The following LRP12 variants were observed in gnomAD, a reference collection of about 807,000 sequenced individuals.
The protein encoded by LRP12 is low-density lipoprotein receptor-related protein 12.
In LRP12, 14 loss-of-function variants were observed where a neutral mutation model predicts 66.0. The ratio of observed to expected loss-of-function variants is 0.21; its 90% CI spans 0.14 to 0.33. The LOEUF (loss-of-function observed/expected upper bound fraction) is 0.33. LRP12 is among the 10% of genes least tolerant of loss of function. LRP12 has a pLI of 1.00. For synonymous variants in LRP12, 357 were observed against 359.1 expected (o/e 0.99, Z 0.07); for missense variants, 889 against 1,053.4 (o/e 0.84, Z 2.16).
chr8:104,533,094 T>C (rs1473585788), intron 1 of LRP12, among the ~76,000 whole-genome samples: 4 of 152,104 alleles, frequency 2.6e-5, no homozygotes, highest in African/African-American at 7.2e-5. Flanking sequence ...AATGAAAACA[T>C]ACATTATATT....
Position 104,589,030 on chromosome 8 carries a change from G to C in LRP12, c.-133C>G, listed in dbSNP as rs1194220925. The C allele has an allele frequency of 6.0e-6, 3 of 502,620 alleles. No homozygotes were observed. Among genetic ancestry groups the C allele is most frequent in the Non-Finnish European group, 9.5e-6 (3 of 317,176 alleles). The allele number at this position is 502,620 out of a possible 1,614,324, so 31.1% of individuals were successfully genotyped here. On this transcript the variant is annotated 5_prime_UTR_variant, in exon 1 of 7. Transcript: ENST00000276654. ...CCGGCTGCTCCCTGCGCTCTCCGCG[G>C]CTGCGGGAGGGGGAAGGGAGGGGCC...
chr8:104,534,553 CAT>C (rs1477617874), intron 1 of LRP12, among the ~76,000 whole-genome samples: 3 of 151,950 alleles, frequency 2.0e-5, no homozygotes, highest in Non-Finnish European at 2.9e-5. Flanking sequence ...CTAATTATAA[CAT>C]ATTAAAATTT....
At chr8:104,569,908 T>C (rs1032259983) in intron 1 of LRP12, among the ~76,000 whole-genome samples, 2 of 149,574 alleles carry the variant, frequency 1.3e-5, no homozygotes, top group Admixed American at 1.3e-4. Flanking sequence ...TGCAGAAAAT[T>C]TGAGAGAAAT....
chr8:104,564,837 G>C (rs1811972295), intron 1 of LRP12, among the ~76,000 whole-genome samples: 1 of 151,784 alleles, frequency 6.6e-6, no homozygotes, highest in Admixed American at 6.6e-5. Context: ...GGAGGCTGAG[G>C]CAGAAGAATC....
intron 2 of LRP12, among the ~76,000 whole-genome samples, chr8:104,516,154 A>C (rs1268080483): frequency 6.6e-6 from 1 of 152,194 alleles, no homozygotes; most frequent in Non-Finnish European, 1.5e-5. Context: ...GATGATCTAC[A>C]TTCTCTACTT....
At chr8:104,588,022 A>T (rs1421417984) in intron 1 of LRP12, among the ~76,000 whole-genome samples, 2 of 152,212 alleles carry the variant, frequency 1.3e-5, no homozygotes, top group Admixed American at 6.5e-5. Context: ...AACGCAATAT[A>T]AAGCTGTCCG....
At chr8:104,499,648 C>T (rs1588483377) in intron 3 of LRP12, 129 bp from the exon 4 acceptor site, 1 of 581,742 alleles carries the variant, frequency 1.7e-6, no homozygotes, top group Non-Finnish European at 3.0e-6. Context: ...TCTAGGCATA[C>T]AACCGTATCA....
At chr8:104,529,605 A>G (rs1343931646) in intron 2 of LRP12, among the ~76,000 whole-genome samples, 2 of 152,232 alleles carry the variant, frequency 1.3e-5, no homozygotes. Flanking sequence ...TACTATATCT[A>G]TCTAAATTTC....
intron 6 of LRP12, among the ~76,000 whole-genome samples, chr8:104,492,848 TAAAAA>T (rs532270334): frequency 8.3e-5 from 12 of 144,144 alleles, no homozygotes; most frequent in African/African-American, 3.0e-4. Context: ...AACTACAAAT[TAAAAA>T]AAAAAAGAAA....
At chr8:104,509,096 C>T (rs1564131867) in intron 2 of LRP12, 22 bp from the exon 3 acceptor site, 3 of 1,608,430 alleles carry the variant, frequency 1.9e-6, no homozygotes, top group Non-Finnish European at 2.5e-6. Context: ...CCAAAGCAAT[C>T]TTTCCTTATT....
At chr8:104,540,770 T>C (rs1588497342) in intron 1 of LRP12, among the ~76,000 whole-genome samples, 2 of 152,244 alleles carry the variant, frequency 1.3e-5, no homozygotes, top group Non-Finnish European at 2.9e-5. Flanking sequence ...AGTCTCGCTC[T>C]GTCGCTAGGC....
chr8:104,564,739 T>C (rs1811970050), intron 1 of LRP12, among the ~76,000 whole-genome samples: 1 of 152,064 alleles, frequency 6.6e-6, no homozygotes, highest in Admixed American at 6.5e-5. Flanking sequence ...GAGGCCAGCC[T>C]TGCCAACACG....
chr8:104,492,753 A>G (rs1002015607), intron 6 of LRP12, among the ~76,000 whole-genome samples: 4 of 152,184 alleles, frequency 2.6e-5, no homozygotes, highest in Non-Finnish European at 4.4e-5. Flanking sequence ...AGTAAGGCAC[A>G]GATTGTCAAT....
chr8:104,510,016 G>T (rs950593501), intron 2 of LRP12, among the ~76,000 whole-genome samples: 6 of 152,306 alleles, frequency 3.9e-5, no homozygotes, highest in African/African-American at 1.4e-4. Flanking sequence ...CTGAATAAGA[G>T]TTCAAGATTA....
chr8:104,564,716 A>T (rs1243651433), intron 1 of LRP12, among the ~76,000 whole-genome samples: 1 of 152,110 alleles, frequency 6.6e-6, no homozygotes, highest in Non-Finnish European at 1.5e-5. Context: ...AGATCACTTG[A>T]GGTCAGGAGT....
At chr8:104,556,359 G>C (rs767409594) in intron 1 of LRP12, among the ~76,000 whole-genome samples, 1 of 151,920 alleles carries the variant, frequency 6.6e-6, no homozygotes, top group Non-Finnish European at 1.5e-5. Context: ...ACAAAAAGCT[G>C]GTTCTTTGAA....
At chr8:104,508,915 AG>A (rs2140842792) in intron 3 of LRP12, 23 bp downstream of exon 3, 1 of 1,583,622 alleles carries the variant, frequency 6.3e-7, no homozygotes, top group African/African-American at 1.4e-5. Flanking sequence ...TAAATTATAT[AG>A]TAATACAGAA....
At chr8:104,539,807 T>G (rs1405243000) in intron 1 of LRP12, among the ~76,000 whole-genome samples, 2 of 152,066 alleles carry the variant, frequency 1.3e-5, no homozygotes, top group Non-Finnish European at 2.9e-5. Flanking sequence ...GGAGGAGGGC[T>G]CAAAACCCAG....
intron 1 of LRP12, among the ~76,000 whole-genome samples, chr8:104,534,532 T>C (rs1811368723): frequency 6.6e-6 from 1 of 152,050 alleles, no homozygotes; most frequent in Admixed American, 6.6e-5. Context: ...AGAAATCTGG[T>C]AAATATCATG....
Sources: gnomAD v4.1 joint callset for allele counts (sites outside exome capture counted in the v4.1 genomes callset) on GRCh38, gnomAD v4.1.1 for gene constraint, MANE v1.5 for transcripts, NCBI Gene and HGNC (gene_info 2026-07-23, HGNC 2026-07-21) for gene names.